The following GRM5 variants were observed in gnomAD, a reference collection of about 807,000 sequenced individuals.
GRM5 encodes the protein metabotropic glutamate receptor 5.
A neutral mutation model predicts 83.1 loss-of-function variants in GRM5; 19 were observed. The observed-to-expected ratio is 0.23, with a 90% CI of 0.16 to 0.34. The LOEUF (loss-of-function observed/expected upper bound fraction) is 0.34, where lower values mean the gene tolerates loss of function less well. Among genes scored for constraint, GRM5 ranks in the 10% least tolerant of loss-of-function variants. The probability of loss-of-function intolerance (pLI) is 1.00; values close to 1 mark genes in which losing one functional copy is unlikely to be tolerated. For missense variants in GRM5, 1,160 were observed against 1,588.3 expected (o/e 0.73, Z 4.58); for synonymous variants, 675 against 633.6 (o/e 1.07, Z -0.98).
chr11:88,992,768 C>G (rs1422983788), intron 2 of GRM5, among the ~76,000 whole-genome samples: 1 of 146,630 alleles, frequency 6.8e-6, no homozygotes, highest in Non-Finnish European at 1.5e-5. Context: ...ATCGCAAGGA[C>G]AAAAAACCAA....
chr11:88,617,240 C>T (rs1037109321), intron 4 of GRM5, among the ~76,000 whole-genome samples: 2 of 152,064 alleles, frequency 1.3e-5, no homozygotes, highest in African/African-American at 4.8e-5. Context: ...AAATTTTGGT[C>T]CAATCAAGAT....
chr11:88,523,752 CCATTTT>C (rs1255103841), intron 9 of GRM5, among the ~76,000 whole-genome samples: 1 of 152,126 alleles, frequency 6.6e-6, no homozygotes, highest in African/African-American at 2.4e-5. Context: ...GTTCTGGGCA[CCATTTT>C]CATAGACTGC....
chr11:88,921,140 T>TA (rs529196679), intron 2 of GRM5, among the ~76,000 whole-genome samples: 11 of 151,736 alleles, frequency 7.2e-5, no homozygotes, highest in East Asian at 1.9e-4. Context: ...ACAATATTGT[T>TA]AAAAAAAATC....
chr11:88,995,445 C>A (rs898724541), intron 2 of GRM5, among the ~76,000 whole-genome samples: 86 of 147,830 alleles, frequency 5.8e-4, no homozygotes, highest in African/African-American at 2.1e-3. Context: ...CTAGGGAGGC[C>A]GAGGCAGAAG....
chr11:89,033,704 T>G (rs1388194594), intron 2 of GRM5, among the ~76,000 whole-genome samples: 14 of 151,870 alleles, frequency 9.2e-5, no homozygotes. Context: ...GAGAAAAATT[T>G]CCAGCCAAAC....
intron 2 of GRM5, among the ~76,000 whole-genome samples, chr11:88,881,070 T>C (rs1224740761): frequency 2.6e-5 from 4 of 152,104 alleles, no homozygotes; most frequent in African/African-American, 4.8e-5. Flanking sequence ...GGTGTTTTCT[T>C]TGATCCCTTA....
At chr11:88,959,380 T>TA (rs1178869580) in intron 2 of GRM5, among the ~76,000 whole-genome samples, 1 of 151,972 alleles carries the variant, frequency 6.6e-6, no homozygotes, top group Non-Finnish European at 1.5e-5. Flanking sequence ...AAATTTTAAC[T>TA]AATAATCCAG....
chr11:88,900,219 G>A (rs1044378940), intron 2 of GRM5, among the ~76,000 whole-genome samples: 2 of 152,122 alleles, frequency 1.3e-5, no homozygotes, highest in African/African-American at 4.8e-5. Context: ...TATGTATAGT[G>A]ATGTACTGGT....
chr11:89,009,930 A>AAAG (rs1316250515), intron 2 of GRM5, among the ~76,000 whole-genome samples: 1 of 100,122 alleles, frequency 1.0e-5, no homozygotes, highest in African/African-American at 3.1e-5. Flanking sequence ...AAAAAAAAAA[A>AAAG]CACACACAAA....
At chr11:88,660,636 GC>G (rs1455486159) in intron 3 of GRM5, among the ~76,000 whole-genome samples, 1 of 152,166 alleles carries the variant, frequency 6.6e-6, no homozygotes, top group Non-Finnish European at 1.5e-5. Flanking sequence ...TGTGGGGCAT[GC>G]TAGGGCCACA....
rs146217899 is a variant in GRM5, at chr11:88,974,671, T to G, written c.661+72541A>C. On this transcript the variant is annotated intron_variant, in intron 2 of 9. Coordinates refer to ENST00000305447, the MANE Select transcript of GRM5 (RefSeq NM_001143831.3). ...TTCAGTTTGTAAGTTTTACATTCTA[T>G]CATGATTTTTTGTCTTAGATTTTCT... Among the ~76,000 whole-genome samples the G allele has an allele frequency of 8.3e-3, 1,267 of 152,252 alleles. 19 individuals are homozygous for G. Among genetic ancestry groups the G allele is most frequent in the African/African-American group, 0.029 (1,201 of 41,552 alleles).
chr11:88,942,722 GAC>G (rs1938154011), intron 2 of GRM5, among the ~76,000 whole-genome samples: 1 of 142,222 alleles, frequency 7.0e-6, no homozygotes, highest in Non-Finnish European at 1.6e-5. Context: ...CCTGTAAAAT[GAC>G]AGTGTTTAAA....
chr11:88,510,813 G>T (rs1941347978), intron 9 of GRM5, among the ~76,000 whole-genome samples: 1 of 152,192 alleles, frequency 6.6e-6, no homozygotes, highest in Non-Finnish European at 1.5e-5. Context: ...ACTGCGTCTG[G>T]CCAGGAATGT....
chr11:89,011,536 T>C (rs1301631458), intron 2 of GRM5, among the ~76,000 whole-genome samples: 1 of 152,220 alleles, frequency 6.6e-6, no homozygotes, highest in East Asian at 1.9e-4. Flanking sequence ...GAATTAATCC[T>C]AACTGATTAC....
intron 4 of GRM5, among the ~76,000 whole-genome samples, chr11:88,641,775 T>C (rs1939300712): frequency 6.6e-6 from 1 of 152,188 alleles, no homozygotes; most frequent in Admixed American, 6.5e-5. Flanking sequence ...AGGGGTGGGC[T>C]CCCACGGCCT....
At chr11:89,041,151 G>A (rs1941523159) in intron 2 of GRM5, among the ~76,000 whole-genome samples, 1 of 152,202 alleles carries the variant, frequency 6.6e-6, no homozygotes, top group Admixed American at 6.5e-5. Context: ...CCATCCATAA[G>A]ATGGGTAAAT....
intron 4 of GRM5, among the ~76,000 whole-genome samples, chr11:88,623,638 A>G (rs1008413532): frequency 6.6e-6 from 1 of 152,252 alleles, no homozygotes; most frequent in Non-Finnish European, 1.5e-5. Context: ...ATGGGAATGT[A>G]ACCCAGGCTC....
chr11:88,962,865 C>G (rs1196197660), intron 2 of GRM5, among the ~76,000 whole-genome samples: 1 of 152,134 alleles, frequency 6.6e-6, no homozygotes, highest in African/African-American at 2.4e-5. Context: ...CCAAGGCTGG[C>G]AGATCACGAG....
intron 2 of GRM5, among the ~76,000 whole-genome samples, chr11:88,862,080 C>G (rs1385915227): frequency 6.6e-6 from 1 of 152,146 alleles, no homozygotes; most frequent in Non-Finnish European, 1.5e-5. Context: ...ACTCTGCATT[C>G]ATTGTGATAT....
Sources: allele counts gnomAD v4.1 joint callset (sites outside exome capture counted in the v4.1 genomes callset), GRCh38; gene constraint gnomAD v4.1.1; transcripts MANE v1.5; gene names NCBI Gene and HGNC (gene_info 2026-07-23, HGNC 2026-07-21).